Variants in VKORC1L1 observed in about 807,000 individuals in gnomAD.
The protein encoded by VKORC1L1 is vitamin K epoxide reductase complex subunit 1-like protein 1.
Under a neutral mutation model 18.9 loss-of-function variants are expected in VKORC1L1, and 2 were observed. The observed-to-expected ratio is 0.11, with a 90% CI of 0.04 to 0.33. VKORC1L1 has a LOEUF of 0.33. Among genes scored for constraint, VKORC1L1 ranks in the 10% least tolerant of loss-of-function variants. The pLI, the probability that VKORC1L1 is intolerant of heterozygous loss-of-function variation, is 1.00. For missense variants in VKORC1L1, 123 were observed against 224.1 expected, an observed-to-expected ratio of 0.55 and a Z score of 2.88; for synonymous variants, 96 against 100.0, an observed-to-expected ratio of 0.96 and a Z score of 0.24.
intron 1 of VKORC1L1, among the ~76,000 whole-genome samples, chr7:65,929,474 G>A (rs1435023781): frequency 6.6e-6 from 1 of 151,966 alleles, no homozygotes; most frequent in African/African-American, 2.4e-5. Context: ...GCTGATCATT[G>A]TGTCTGTCCT....
intron 1 of VKORC1L1, among the ~76,000 whole-genome samples, chr7:65,935,089 T>G (rs1003692604): frequency 1.3e-5 from 2 of 151,876 alleles, no homozygotes; most frequent in Admixed American, 6.6e-5. Flanking sequence ...ATTTCAGATA[T>G]TTACCATTTC....
At chr7:65,892,958 G>A (rs1455577392) in intron 1 of VKORC1L1, among the ~76,000 whole-genome samples, 2 of 152,186 alleles carry the variant, frequency 1.3e-5, no homozygotes, top group African/African-American at 2.4e-5. Flanking sequence ...GTAACACTTG[G>A]TTGTTTTTTG....
intron 1 of VKORC1L1, among the ~76,000 whole-genome samples, chr7:65,920,913 G>A (rs1789664890): frequency 6.6e-6 from 1 of 151,156 alleles, no homozygotes; most frequent in African/African-American, 2.4e-5. Flanking sequence ...AAGAGAAAGA[G>A]AAAAAGGAGA....
At chr7:65,932,990 A>G (rs1386277069) in intron 1 of VKORC1L1, among the ~76,000 whole-genome samples, 3 of 149,204 alleles carry the variant, frequency 2.0e-5, no homozygotes, top group Non-Finnish European at 4.4e-5. Context: ...AGGCAGGAGA[A>G]TTGCTTGAAC....
chr7:65,939,250 C>G (rs1459660740), intron 1 of VKORC1L1, among the ~76,000 whole-genome samples: 1 of 152,174 alleles, frequency 6.6e-6, no homozygotes, highest in Non-Finnish European at 1.5e-5. Context: ...ATGGCCACGG[C>G]TGTGAAGTAA....
intron 1 of VKORC1L1, among the ~76,000 whole-genome samples, chr7:65,874,625 G>A (rs995767412): frequency 1.1e-4 from 16 of 152,108 alleles, no homozygotes; most frequent in Admixed American, 1.0e-3. Flanking sequence ...GGCCAACATG[G>A]TGAAACCCCG....
chr7:65,895,793 C>T (rs1224119736), intron 1 of VKORC1L1, among the ~76,000 whole-genome samples: 1 of 149,880 alleles, frequency 6.7e-6, no homozygotes, highest in African/African-American at 2.5e-5. Context: ...ATGTGGTCAA[C>T]AGTGGTATAT....
chr7:65,894,068 C>T (rs1438119592), intron 1 of VKORC1L1, among the ~76,000 whole-genome samples: 1 of 152,000 alleles, frequency 6.6e-6, no homozygotes, highest in African/African-American at 2.4e-5. Flanking sequence ...AATTCTCCTG[C>T]CTCAGCTTCC....
chr7:65,866,085 A>C, the VKORC1L1 span, among the ~76,000 whole-genome samples: 1 of 152,204 alleles, frequency 6.6e-6, no homozygotes, highest in African/African-American at 2.4e-5. Context: ...ACTGCACTCT[A>C]GCCTGGTGAT....
rs1217123029 is a variant in VKORC1L1, at chr7:65,873,257, TGGTGGCGGC to T, written c.-112_-104del. 1.5e-5 allele frequency: 13 copies of T among 864,376 alleles called. No homozygotes were observed. The East Asian group carries it at 1.3e-3, about 84-fold the overall frequency. 53.5% of individuals were successfully genotyped at this position (864,376 alleles called of 1,614,324 possible). On this transcript the variant is annotated 5_prime_UTR_variant, in exon 1 of 3. Coordinates refer to ENST00000360768, the MANE Select transcript of VKORC1L1 (RefSeq NM_173517.6). ...TGGGGCGCGGCGGCGGCGGCGGCGG[TGGTGGCGGC>T]GGCGGCGGAGGCGGCGGTGGCGGCG... is the stretch of plus-strand genomic sequence containing the variant.
the VKORC1L1 span, among the ~76,000 whole-genome samples, chr7:65,867,140 T>C: frequency 6.6e-6 from 1 of 151,904 alleles, no homozygotes; most frequent in Non-Finnish European, 1.5e-5. Context: ...TGAGCTGAGA[T>C]TGTGCCACTG....
intron 2 of VKORC1L1, among the ~76,000 whole-genome samples, chr7:65,951,772 C>T (rs1470096981): frequency 6.6e-6 from 1 of 152,094 alleles, no homozygotes. Flanking sequence ...AAGGCAGATG[C>T]TATACCCACT....
At position 65,959,331 on chromosome 7, in the gene VKORC1L1, A is replaced by G. The variant is rs1035108754; in HGVS notation, c.*5031A>G. ...AGAAAAAAAACAATGGACTGCCCCT[A>G]ATTTGTAAACCATTTAAATGTGTCT... On this transcript the variant is annotated 3_prime_UTR_variant, in exon 3 of 3. Coordinates refer to ENST00000360768, the MANE Select transcript of VKORC1L1 (RefSeq NM_173517.6). The G allele has an allele frequency of 6.6e-6, 1 of 152,154 alleles. No homozygotes were observed. Among genetic ancestry groups the G allele is most frequent in the African/African-American group, 2.4e-5 (1 of 41,428 alleles). 9.4% of individuals were successfully genotyped at this position (152,154 alleles called of 1,614,324 possible).
At chr7:65,953,389 A>G (rs1315727799) in intron 2 of VKORC1L1, among the ~76,000 whole-genome samples, 1 of 152,206 alleles carries the variant, frequency 6.6e-6, no homozygotes, top group Non-Finnish European at 1.5e-5. Flanking sequence ...TTCTCACCAA[A>G]TGTGTGCAGC....
intron 1 of VKORC1L1, among the ~76,000 whole-genome samples, chr7:65,925,424 A>G (rs752807489): frequency 2.0e-5 from 3 of 152,218 alleles, no homozygotes; most frequent in Non-Finnish European, 4.4e-5. Flanking sequence ...TGACCCCTTC[A>G]ATCTGTGTTG....
At chr7:65,910,897 G>GT (rs1161567340) in intron 1 of VKORC1L1, among the ~76,000 whole-genome samples, 3 of 152,144 alleles carry the variant, frequency 2.0e-5, no homozygotes, top group Non-Finnish European at 4.4e-5. Context: ...TTAAAATGTA[G>GT]TATCTTTCAA....
chr7:65,940,016 CT>C (rs140795579), intron 1 of VKORC1L1, among the ~76,000 whole-genome samples: 17 of 148,194 alleles, frequency 1.1e-4, no homozygotes, highest in East Asian at 3.9e-4. Context: ...GGAAAATTGT[CT>C]TTTTTTTTTT....
At chr7:65,886,839 G>GGTT (rs1237860894) in intron 1 of VKORC1L1, among the ~76,000 whole-genome samples, 641 of 58,610 alleles carry the variant, frequency 0.011, 25 homozygotes, top group East Asian at 0.1. Context: ...GCCTGTCCGA[G>GGTT]TTTTTTTTTT....
intron 1 of VKORC1L1, among the ~76,000 whole-genome samples, chr7:65,926,312 C>T (rs1021218611): frequency 1.1e-4 from 16 of 152,222 alleles, no homozygotes; most frequent in Admixed American, 4.6e-4. Flanking sequence ...CCCGCCACCA[C>T]GCCCAGCTAA....
Sources: gnomAD v4.1 joint callset for allele counts (sites outside exome capture counted in the v4.1 genomes callset) on GRCh38, gnomAD v4.1.1 for gene constraint, MANE v1.5 for transcripts, NCBI Gene and HGNC (gene_info 2026-07-23, HGNC 2026-07-21) for gene names.